The following PLPBP variants were observed in gnomAD, a reference collection of about 807,000 sequenced individuals.
The protein encoded by PLPBP is pyridoxal phosphate homeostasis protein.
In PLPBP, 21 loss-of-function variants were observed where a neutral mutation model predicts 31.2. The ratio of observed to expected loss-of-function variants is 0.67; its 90% confidence interval spans 0.48 to 0.97. The LOEUF is 0.97. Among genes scored for constraint, PLPBP ranks in the 50% least tolerant of loss-of-function variants. PLPBP has a pLI of 0.00. For missense variants in PLPBP, 308 were observed against 354.4 expected (o/e 0.87, Z 1.05); for synonymous variants, 124 against 135.6 (o/e 0.91, Z 0.59).
chr8:37,773,532 G>C (rs576104560), intron 5 of PLPBP, among the ~76,000 whole-genome samples: 4 of 147,044 alleles, frequency 2.7e-5, no homozygotes, highest in African/African-American at 1.0e-4. Flanking sequence ...GCAGTGGCAC[G>C]ATCTCAGCTC....
At chr8:37,767,364 A>C (rs1486134262) in intron 4 of PLPBP, among the ~76,000 whole-genome samples, 1 of 152,162 alleles carries the variant, frequency 6.6e-6, no homozygotes, top group Non-Finnish European at 1.5e-5. Flanking sequence ...TCTCTTCCTC[A>C]AGAACCACTT....
chr8:37,777,949 G>C, intron 7 of PLPBP, 24 bp from the exon 8 acceptor site: 3 of 1,601,960 alleles, frequency 1.9e-6, no homozygotes, highest in Non-Finnish European at 2.6e-6. Flanking sequence ...CCTGGTCCTC[G>C]ATACCTTCTC....
chr8:37,769,525 GA>G (rs997893804), intron 4 of PLPBP, among the ~76,000 whole-genome samples: 3 of 149,308 alleles, frequency 2.0e-5, no homozygotes, highest in East Asian at 3.9e-4. Flanking sequence ...TGTTTATAGG[GA>G]AAAAAAATAG....
Position 37,765,616 on chromosome 8 carries a change from A to C in PLPBP, c.190A>C (p.Thr64Pro). The C allele has an allele frequency of 6.2e-7, 1 of 1,614,220 alleles. No individual in the cohort carries two copies. The highest frequency in any genetic ancestry group is 1.1e-5 in the South Asian group (1 of 91,088). The part of the protein sequence containing the change: ...VIEAYGHGQR[T>P]FGENYVQELL... ...CGAGGCCTATGGACATGGGCAGCGC[A>C]CTTTTGGCGAGAACTACGTAAGAGC... Residue 64 changes from threonine (T) to proline (P), a missense_variant, in exon 2 of 8, where the codon ACT becomes CCT. Around this residue, in one of 2 missense-constraint regions of PLPBP, gnomAD observed 120 missense variants for 95.1 expected, o/e 1.26. Transcript: ENST00000328195.
intron 7 of PLPBP, among the ~76,000 whole-genome samples, chr8:37,776,399 C>T (rs1803911734): frequency 6.7e-6 from 1 of 150,024 alleles, no homozygotes; most frequent in Admixed American, 6.7e-5. Context: ...TCGCTTGAAC[C>T]CAGGAGGCGG....
rs187031643 is a variant in PLPBP, at chr8:37,763,903, G to C, written c.99+1145G>C. Among the ~76,000 whole-genome samples, 4 of 152,262 alleles carry C rather than the reference G, an allele frequency of 2.6e-5. No homozygotes were observed. In the South Asian group the frequency reaches 6.2e-4, roughly 24 times the overall value. On this transcript the variant is annotated intron_variant, in intron 1 of 7. Coordinates refer to ENST00000328195, the MANE Select transcript of PLPBP (RefSeq NM_007198.4). ...ATACAAGAAGACTAAATCGTGCAAG[G>C]ATAAACGAATCTCTTCTCTTACTGT...
At chr8:37,765,822 G>A (rs1803612203) in intron 3 of PLPBP, 76 bp downstream of exon 3, 2 of 1,527,008 alleles carry the variant, frequency 1.3e-6, no homozygotes, top group Admixed American at 3.9e-5. Flanking sequence ...CATCCTGGTG[G>A]TTGAGTTGTA....
chr8:37,772,115 C>A lies in PLPBP; in HGVS notation c.320-640C>A, dbSNP rs544892624. 2.6e-5 allele frequency among the ~76,000 whole-genome samples: 4 copies of A among 151,428 alleles called. No individual in the cohort carries two copies. In the East Asian group the frequency reaches 7.7e-4, roughly 29 times the overall value. Reference sequence around the variant, plus strand: ...TGTTTTTGTAATAAAAAATAAGAAACAATCTAATATCCATTAACGAGGAAT... The same window carrying A: ...TGTTTTTGTAATAAAAAATAAGAAAAAATCTAATATCCATTAACGAGGAAT... On this transcript the variant is annotated intron_variant, in intron 4 of 7. Coordinates refer to ENST00000328195, the MANE Select transcript of PLPBP (RefSeq NM_007198.4).
intron 1 of PLPBP, among the ~76,000 whole-genome samples, chr8:37,764,255 A>G (rs1216052712): frequency 6.6e-6 from 1 of 151,406 alleles, no homozygotes; most frequent in East Asian, 1.9e-4. Flanking sequence ...GGCACACACC[A>G]CCACACCTGG....
In PLPBP at chr8:37,766,355, G is replaced by A. The variant is rs767014044; in HGVS notation, c.319G>A (p.Ala107Thr). ...LQKQNVNKLM[A>T]VPNLFMLETV... is the part of the protein sequence containing the mutation. ...GAAACAAAATGTCAACAAATTGATG[G>A]GTAAGATAAAATTAAATATGAAAAC... Residue 107 changes from alanine (A) to threonine (T), a missense_variant and splice_region_variant, in exon 4 of 8, where the codon GCT becomes ACT. Physicochemically the swap from Ala to Thr is moderately conservative, Grantham distance 58 (BLOSUM62 0). Transcript: ENST00000328195. The A allele has an allele frequency of 1.9e-6, 3 of 1,600,912 alleles. No homozygotes were observed. Among genetic ancestry groups the A allele is most frequent in the African/African-American group, 2.7e-5 (2 of 74,180 alleles).
Position 37,775,971 on chromosome 8 carries a change from C to G in PLPBP, c.651C>G (p.Asp217Glu), listed in dbSNP as rs539326188. Residue 217 changes from aspartate to glutamate, a missense_variant, in exon 7 of 8, where the codon GAC becomes GAG. This residue lies in a region of PLPBP where 188 missense variants were observed against 259.3 expected (regional missense o/e 0.73). Transcript: ENST00000328195. ...GTAAAAAGCTGAACATCCCTGCTGACCAGGTTGAGCTGAGCATGGGCATGT... is the reference window on the plus strand; with the variant it reads ...GTAAAAAGCTGAACATCCCTGCTGAGCAGGTTGAGCTGAGCATGGGCATGT... ...ELCKKLNIPA[D>E]QVELSMGMSA... The G allele has an allele frequency of 1.4e-5, 23 of 1,614,024 alleles. No homozygotes were observed. In the East Asian group the frequency reaches 4.7e-4, roughly 33 times the overall value.
At chr8:37,774,781 C>T (rs1248195007) in intron 5 of PLPBP, among the ~76,000 whole-genome samples, 14 of 152,110 alleles carry the variant, frequency 9.2e-5, no homozygotes, top group Non-Finnish European at 2.9e-5. Context: ...CTAGTATCTC[C>T]GCCTAATAAA....
Position 37,775,408 on chromosome 8 carries a change from T to C in PLPBP, c.524T>C (p.Leu175Pro), listed in dbSNP as rs752753379. Reference protein sequence around the residue: ...VEHINAKCPNLEFVGLMTIGS... With the variant: ...VEHINAKCPNPEFVGLMTIGS... ...CACATAAACGCCAAGTGTCCTAACC[T>C]GGAGTTTGTGGGGCTGATGACCATA... The change falls in exon 6 of 8, where the codon CTG becomes CCG. Residue 175 changes from leucine to proline, a missense_variant. Around this residue, in one of 2 missense-constraint regions of PLPBP, gnomAD observed 188 missense variants for 259.3 expected, o/e 0.73. Coordinates refer to ENST00000328195, the MANE Select transcript of PLPBP (RefSeq NM_007198.4). The C allele has an allele frequency of 1.9e-6, 3 of 1,614,210 alleles. No homozygotes were observed. The South Asian group carries it at 3.3e-5, about 18-fold the overall frequency.
chr8:37,770,432 A>G (rs1308263481), intron 4 of PLPBP, among the ~76,000 whole-genome samples: 2 of 152,232 alleles, frequency 1.3e-5, no homozygotes, highest in African/African-American at 4.8e-5. Context: ...CCATATGCAG[A>G]AGAATAAAAC....
At chr8:37,771,913 TTG>T (rs1803781116) in intron 4 of PLPBP, among the ~76,000 whole-genome samples, 1 of 152,124 alleles carries the variant, frequency 6.6e-6, no homozygotes, top group Non-Finnish European at 1.5e-5. Context: ...TGAGCCAAGA[TTG>T]TGCCACTGCA....
chr8:37,776,433 G>T (rs1185233840), intron 7 of PLPBP, among the ~76,000 whole-genome samples: 19 of 125,762 alleles, frequency 1.5e-4, no homozygotes, highest in African/African-American at 5.3e-4. Context: ...CCGAGGTCGC[G>T]CCACTGCACT....
chr8:37,762,687 G>T lies in PLPBP; in HGVS notation c.28G>T (p.Glu10Ter), dbSNP rs779152049. 1.9e-5 allele frequency: 31 copies of T among 1,590,002 alleles called. No individual in the cohort carries two copies. Among genetic ancestry groups the T allele is most frequent in the Non-Finnish European group, 2.6e-5 (31 of 1,172,024 alleles). Residue 10 changes from glutamate to a stop codon, truncating the protein, a stop_gained, in exon 1 of 8, where the codon GAG (glutamate) becomes TAG (stop). Coordinates refer to ENST00000328195, the MANE Select transcript of PLPBP (RefSeq NM_007198.4). LOFTEE classifies it high-confidence loss of function. MWRAGSMSA[E>*]LGVGCALRAV... ...GTGGAGAGCTGGCAGCATGTCGGCC[G>T]AGCTGGGAGTCGGGTGCGCATTGCG...
chr8:37,771,510 T>G (rs919367248), intron 4 of PLPBP, among the ~76,000 whole-genome samples: 2 of 152,032 alleles, frequency 1.3e-5, no homozygotes, highest in Non-Finnish European at 2.9e-5. Context: ...GGTCTTGAAC[T>G]CCTGGCCTCA....
At position 37,765,533 on chromosome 8, in the gene PLPBP, C is replaced by T. The variant is rs763049580; in HGVS notation, c.107C>T (p.Pro36Leu). 1 of 1,613,786 alleles carries T rather than the reference C, an allele frequency of 6.2e-7. No homozygotes were observed. The highest frequency in any genetic ancestry group is 8.5e-7 in the Non-Finnish European group (1 of 1,179,914). Residue 36 changes from proline (P) to leucine (L), a missense_variant, in exon 2 of 8, where the codon CCA becomes CTA. By Grantham distance (98) the Pro-to-Leu change is moderately conservative (BLOSUM62 -3). Transcript: ENST00000328195. ...CTCTTTCCCTCTTGGCAGGATCTCC[C>T]AGCCATCCAGCCCCGGCTAGTGGCG... ...QAVARRPRDLPAIQPRLVAVS... is the reference protein window; with the variant it reads ...QAVARRPRDLLAIQPRLVAVS...
Sources: allele counts gnomAD v4.1 joint callset (sites outside exome capture counted in the v4.1 genomes callset), GRCh38; gene constraint gnomAD v4.1.1; regional missense constraint gnomAD v4.1.1; transcripts MANE v1.5; gene names NCBI Gene and HGNC (gene_info 2026-07-23, HGNC 2026-07-21).